The following NBPF12 variants were observed in gnomAD, a reference collection of about 807,000 sequenced individuals.
NBPF12 encodes NBPF family member NBPF12.
A neutral mutation model predicts 146.4 loss-of-function variants in NBPF12; 115 were observed. The ratio of observed to expected loss-of-function variants is 0.79; its 90% CI spans 0.68 to 0.92. The LOEUF is 0.92. Ranked by LOEUF, NBPF12 falls within the 40% of genes least tolerant of loss-of-function variation. The pLI, the probability that NBPF12 is intolerant of heterozygous loss-of-function variation, is 0.00. For missense variants in NBPF12, 1,205 were observed against 1,326.8 expected (o/e 0.91, Z 1.43); for synonymous variants, 385 against 508.9 (o/e 0.76, Z 3.28).
At chr1:146,946,214 A>G (rs1468523298), upstream of NBPF12, among the ~76,000 whole-genome samples, 31 of 151,338 alleles carry the variant, frequency 2.0e-4, no homozygotes, top group Non-Finnish European at 3.4e-4. Context: ...GGTACTTCCA[A>G]GTTTTGACAA....
Position 146,974,058 on chromosome 1 carries a change from A to T in NBPF12, c.1802-681A>T, listed in dbSNP as rs1424145302. Among the ~76,000 whole-genome samples, 10 of 149,438 alleles carry T rather than the reference A, an allele frequency of 6.7e-5. No individual in the cohort carries two copies. The South Asian group carries it at 2.1e-3, about 31-fold the overall frequency. ...ATACCTACCTCTGTAAATTGCTGCA[A>T]TGAATTACATCAGCTATTTCTTGTC... On this transcript the variant is annotated intron_variant, in intron 14 of 33. Coordinates refer to ENST00000617844, the Ensembl canonical transcript of NBPF12.
At chr1:146,953,939 C>A (rs1655438368) in intron 2 of NBPF12, among the ~76,000 whole-genome samples, 1 of 151,198 alleles carries the variant, frequency 6.6e-6, no homozygotes, top group Admixed American at 6.6e-5. Context: ...CTACAAAAAT[C>A]TACCAGAACT....
intron 2 of NBPF12, among the ~76,000 whole-genome samples, chr1:146,954,792 A>G (rs1175696014): frequency 1.3e-5 from 2 of 150,250 alleles, no homozygotes; most frequent in East Asian, 2.0e-4. Context: ...AATAGAATAT[A>G]TATCAGTGGA....
chr1:146,952,398 A>G (rs1302290200), intron 2 of NBPF12, among the ~76,000 whole-genome samples: 2 of 152,090 alleles, frequency 1.3e-5, no homozygotes, highest in African/African-American at 2.4e-5. Flanking sequence ...GTACTCTTCA[A>G]AACATAATTG....
chr1:146,979,178 A>G lies in NBPF12; in HGVS notation c.2450+168A>G, dbSNP rs1173839576. ...ATTTGTGGCACTTGTGTTGGTTTTA[A>G]TTTCATAGTCCTCTCAAGATAGGAA... On this transcript the variant is annotated intron_variant, in intron 19 of 33. Transcript: ENST00000617844. 6.7e-3 allele frequency among the ~76,000 whole-genome samples: 848 copies of G among 126,108 alleles called. 6 individuals are homozygous for G. The highest frequency in any genetic ancestry group is 0.026 in the African/African-American group (809 of 31,184). 82.7% of individuals were successfully genotyped at this position (126,108 alleles called of 152,430 possible).
intron 1 of NBPF12, among the ~76,000 whole-genome samples, chr1:146,950,877 G>A (rs1655296541): frequency 6.6e-6 from 1 of 152,016 alleles, no homozygotes; most frequent in Non-Finnish European, 1.5e-5. Flanking sequence ...GGACATTCTT[G>A]TATATATCAT....
intron 27 of NBPF12, 29 bp from the exon 31 acceptor site, chr1:146,989,545 C>A (rs1658016762): frequency 7.3e-7 from 1 of 1,365,050 alleles, no homozygotes; most frequent in East Asian, 2.3e-5. Context: ...TTCCCCCTGG[C>A]TTATTCTTTA....
At chr1:146,965,785 G>C (rs1257679185) in intron 8 of NBPF12, among the ~76,000 whole-genome samples, 3,218 of 41,364 alleles carry the variant, frequency 0.078, 139 homozygotes, top group African/African-American at 0.2. Flanking sequence ...GAGCGAGACT[G>C]CATCTCAAAA....
exon 12 of NBPF12, chr1:146,970,654 T>G: frequency 6.6e-7 from 1 of 1,512,878 alleles, no homozygotes; most frequent in South Asian, 1.1e-5. Context: ...TAGAAAATGA[T>G]GAAGATGAGG....
intron 13 of NBPF12, among the ~76,000 whole-genome samples, chr1:146,972,086 T>TCAAAAAAAAA (rs1400301498): frequency 2.5e-5 from 3 of 120,984 alleles, no homozygotes; most frequent in Non-Finnish European, 3.4e-5. Context: ...AGACTCCATC[T>TCAAAAAAAAA]AAAAAAAAAA....
At chr1:146,961,588 C>G (rs1227763444) in intron 4 of NBPF12, among the ~76,000 whole-genome samples, 2 of 149,884 alleles carry the variant, frequency 1.3e-5, no homozygotes, top group African/African-American at 5.1e-5. Context: ...GCCTCTCATA[C>G]TAATAAAGTA....
chr1:146,977,584 A>C (rs1451137333), exon 18 of NBPF12: 1 of 1,612,762 alleles, frequency 6.2e-7, no homozygotes, highest in Non-Finnish European at 8.5e-7. Context: ...GAAAACCAAA[A>C]TCACATTTGA....
upstream of NBPF12, among the ~76,000 whole-genome samples, chr1:146,946,862 T>C (rs1247650353): frequency 6.6e-6 from 1 of 152,000 alleles, no homozygotes; most frequent in African/African-American, 2.4e-5. Context: ...GGATATAACA[T>C]GCATACCTGG....
At chr1:146,966,117 CAAAA>C (rs1428148187) in intron 8 of NBPF12, among the ~76,000 whole-genome samples, 1 of 151,590 alleles carries the variant, frequency 6.6e-6, no homozygotes, top group African/African-American at 2.4e-5. Flanking sequence ...AAACAGAAAA[CAAAA>C]AACCAAAAAA....
intron 33 of NBPF12, 120 bp from the exon 37 acceptor site, chr1:146,994,212 A>T: frequency 1.3e-6 from 2 of 1,598,960 alleles, no homozygotes; most frequent in Non-Finnish European, 1.7e-6. Flanking sequence ...TTGTTACCTC[A>T]TTAATGGATC....
Position 146,992,489 on chromosome 1 carries a change from TGTG to T in NBPF12, c.3849-222_3849-220del, listed in dbSNP as rs1658257105. Among the ~76,000 whole-genome samples the T allele has an allele frequency of 4.1e-4, 58 of 140,796 alleles. 3 individuals carry two copies. Among genetic ancestry groups the T allele is most frequent in the African/African-American group, 1.4e-3 (54 of 37,440 alleles). 92.4% of individuals were successfully genotyped at this position (140,796 alleles called of 152,430 possible). ...GTGTGTGTGTGTGTGTGTGTGTGTG[TGTG>T]TGTGTGTGTGTGTGTGTGTGTCTAT... On this transcript the variant is annotated intron_variant, in intron 31 of 33. Transcript: ENST00000617844.
Position 146,956,567 on chromosome 1 carries a change from G to A in NBPF12, c.-183-3292G>A, listed in dbSNP as rs1373762712. Among the ~76,000 whole-genome samples, 29 of 151,620 alleles carry A rather than the reference G, an allele frequency of 1.9e-4. 1 individual carries two copies. Among genetic ancestry groups the A allele is most frequent in the African/African-American group, 6.8e-4 (28 of 41,226 alleles). On this transcript the variant is annotated intron_variant, in intron 2 of 33. Transcript: ENST00000617844. ...TACTAGCAATTAGCAGCTAGAAAAT[G>A]AAATTCAATAAAACATAATAGAGAT...
At chr1:146,947,817 T>G (rs2487947), upstream of NBPF12, among the ~76,000 whole-genome samples, 18 of 151,110 alleles carry the variant, frequency 1.2e-4, no homozygotes, top group South Asian at 2.1e-4. Context: ...GGATGGTTTT[T>G]GGGGGAACAT....
At position 146,975,399 on chromosome 1, in the gene NBPF12, T is replaced by G. The variant is rs1474938182; in HGVS notation, c.1905-278T>G. The stretch of plus-strand genomic sequence containing the variant: ...CAGAGTGAGGAACTGAAAGGATGTC[T>G]TTTTGAAACGGAATTAGGAAGACAC... On this transcript the variant is annotated intron_variant, in intron 15 of 33. Coordinates refer to ENST00000617844, the Ensembl canonical transcript of NBPF12. 5.4e-3 allele frequency among the ~76,000 whole-genome samples: 806 copies of G among 149,216 alleles called. 36 individuals carry two copies. Among genetic ancestry groups the G allele is most frequent in the African/African-American group, 0.019 (766 of 39,310 alleles).
Sources: allele counts gnomAD v4.1 joint callset (sites outside exome capture counted in the v4.1 genomes callset), GRCh38; gene constraint gnomAD v4.1.1; transcripts MANE v1.5; gene names NCBI Gene and HGNC (gene_info 2026-07-23, HGNC 2026-07-21).